The following HHAT variants were observed in gnomAD, a reference collection of about 807,000 sequenced individuals.
HHAT encodes protein-cysteine N-palmitoyltransferase HHAT.
In HHAT, 47 loss-of-function variants were observed where a neutral mutation model predicts 70.8. The observed-to-expected ratio is 0.66, with a 90% CI of 0.53 to 0.85. HHAT has a LOEUF of 0.85. Ranked by LOEUF, HHAT falls within the 40% of genes least tolerant of loss-of-function variation. The pLI is 0.00. For synonymous variants in HHAT, 228 were observed against 247.6 expected (o/e 0.92, Z 0.74); for missense variants, 609 against 604.8 (o/e 1.01, Z -0.07).
At chr1:210,382,594 T>A (rs1336108632) in intron 3 of HHAT, among the ~76,000 whole-genome samples, 8 of 152,180 alleles carry the variant, frequency 5.3e-5, no homozygotes, top group Non-Finnish European at 1.2e-4. Flanking sequence ...ATAAAAGTGA[T>A]ATAATAAATA....
At chr1:210,588,276 T>G in intron 10 of HHAT, 177 bp downstream of exon 10, 2 of 592,632 alleles carry the variant, frequency 3.4e-6, no homozygotes, top group Non-Finnish European at 6.0e-6. Context: ...AGTGCATATA[T>G]GTGTGTTTGT....
At chr1:210,517,672 G>A (rs1020313446) in intron 9 of HHAT, among the ~76,000 whole-genome samples, 8 of 152,090 alleles carry the variant, frequency 5.3e-5, no homozygotes, top group Non-Finnish European at 1.2e-4. Context: ...CTTGAAAATT[G>A]CTAAGACAGG....
rs541795412 is a variant in HHAT at position 210,336,287 on chromosome 1, A to ATTTTTTTTTTTTTTTTTTTTTTTTTT, written c.-44+7206_-44+7207insTTTTTTTTTTTTTTTTTTTTTTTTTT. On this transcript the variant is annotated intron_variant, in intron 1 of 11. Transcript: ENST00000261458. ...AGGCATGCACCACTGTGCCTGGCTA[A>ATTTTTTTTTTTTTTTTTTTTTTTTTT]TTTTTTTTTTTTTTTTTTTTTTTAG... is the stretch of plus-strand genomic sequence containing the variant. 1.1e-3 allele frequency among the ~76,000 whole-genome samples: 97 copies of ATTTTTTTTTTTTTTTTTTTTTTTTTT among 84,590 alleles called. 10 individuals carry two copies. Among genetic ancestry groups the ATTTTTTTTTTTTTTTTTTTTTTTTTT allele is most frequent in the Non-Finnish European group, 1.9e-3 (79 of 42,332 alleles). 55.5% of individuals were successfully genotyped at this position (84,590 alleles called of 152,430 possible).
In HHAT at chr1:210,362,837, T is replaced by TC. The variant is rs765312467; in HGVS notation, c.92-15_92-14insC. The TC allele has an allele frequency of 2.9e-5, 47 of 1,609,328 alleles. No homozygotes were observed. In the South Asian group the frequency reaches 5.1e-4, roughly 17 times the overall value. ...TTAGATTTGTGACTAACGAAGACTT[T>TC]TTTTTTTTGGTCAGAACACGAAGAG... On this transcript the variant is annotated splice_polypyrimidine_tract_variant and intron_variant, in intron 2 of 11. Coordinates refer to ENST00000261458, the MANE Select transcript of HHAT (RefSeq NM_018194.6).
rs558993858 is a variant in HHAT at position 210,366,868 on chromosome 1, G to GC, written c.159+3950dup. On this transcript the variant is annotated intron_variant, in intron 3 of 11. Coordinates refer to ENST00000261458, the MANE Select transcript of HHAT (RefSeq NM_018194.6). ...TTACTCAGACTTCAGATCATAGCTGGCTCCCTGTCACGAAGCATTGCCTGA... is the reference window on the plus strand; with the variant it reads ...TTACTCAGACTTCAGATCATAGCTGGCCTCCCTGTCACGAAGCATTGCCTGA... 1.6e-3 allele frequency among the ~76,000 whole-genome samples: 245 copies of GC among 152,246 alleles called. 1 individual carries two copies. The highest frequency in any genetic ancestry group is 0.011 in the South Asian group (55 of 4,820).
chr1:210,526,756 C>T (rs1039938584), intron 9 of HHAT, among the ~76,000 whole-genome samples: 1 of 152,160 alleles, frequency 6.6e-6, no homozygotes, highest in Non-Finnish European at 1.5e-5. Context: ...TATTAGAGAG[C>T]AGCTTCTGTT....
intron 9 of HHAT, among the ~76,000 whole-genome samples, chr1:210,553,487 T>C (rs2095545601): frequency 6.6e-6 from 1 of 152,098 alleles, no homozygotes. Flanking sequence ...TTCAGAAACA[T>C]GAGTGAAGTG....
intron 8 of HHAT, among the ~76,000 whole-genome samples, chr1:210,499,920 C>T (rs1323830170): frequency 6.6e-6 from 1 of 152,134 alleles, no homozygotes; most frequent in Admixed American, 6.5e-5. Context: ...GGAAAGGACA[C>T]AAATTAGAAT....
At chr1:210,410,522 A>AGTT in intron 6 of HHAT, among the ~76,000 whole-genome samples, 1 of 92,152 alleles carries the variant, frequency 1.1e-5, no homozygotes, top group Non-Finnish European at 2.3e-5. Flanking sequence ...TTTATTTGTA[A>AGTT]ATTTTTTTTT....
intron 3 of HHAT, among the ~76,000 whole-genome samples, chr1:210,367,079 C>T (rs530658249): frequency 1.3e-5 from 2 of 152,294 alleles, no homozygotes; most frequent in South Asian, 2.1e-4. Context: ...ACAGGCTGAC[C>T]GCAAACAAAT....
chr1:210,547,682 A>G (rs1401953770), intron 9 of HHAT, among the ~76,000 whole-genome samples: 1 of 152,190 alleles, frequency 6.6e-6, no homozygotes, highest in African/African-American at 2.4e-5. Context: ...AGATGATTAA[A>G]TGAGTCATGA....
intron 6 of HHAT, among the ~76,000 whole-genome samples, chr1:210,407,390 C>A (rs531072787): frequency 6.6e-6 from 1 of 152,208 alleles, no homozygotes; most frequent in Non-Finnish European, 1.5e-5. Context: ...AGGAGAATGA[C>A]GCTGCACCAC....
chr1:210,515,573 C>T (rs1042288561), intron 9 of HHAT, among the ~76,000 whole-genome samples: 2 of 150,540 alleles, frequency 1.3e-5, no homozygotes, highest in African/African-American at 2.4e-5. Context: ...CTGGCTAACA[C>T]GGTGAAACCC....
At chr1:210,528,320 A>G (rs920519997) in intron 9 of HHAT, among the ~76,000 whole-genome samples, 5 of 152,218 alleles carry the variant, frequency 3.3e-5, no homozygotes, top group African/African-American at 7.2e-5. Context: ...AGGGTGCATC[A>G]TAGGAGGAAA....
intron 2 of HHAT, among the ~76,000 whole-genome samples, chr1:210,359,346 A>G (rs905616325): frequency 3.3e-5 from 5 of 152,214 alleles, no homozygotes; most frequent in African/African-American, 1.2e-4. Flanking sequence ...ATTATGGCTT[A>G]GGAGTTATGT....
intron 11 of HHAT, among the ~76,000 whole-genome samples, chr1:210,648,336 G>A (rs1674479946): frequency 6.6e-6 from 1 of 152,212 alleles, no homozygotes; most frequent in South Asian, 2.1e-4. Flanking sequence ...GAAATTGAGT[G>A]CTGCCTCACT....
At chr1:210,480,091 G>GGT (rs1042551398) in intron 8 of HHAT, among the ~76,000 whole-genome samples, 1 of 152,030 alleles carries the variant, frequency 6.6e-6, no homozygotes, top group South Asian at 2.1e-4. Context: ...AGGCATTAAA[G>GGT]GTGTGTGTGT....
At chr1:210,625,666 A>G (rs1669701640) in intron 11 of HHAT, among the ~76,000 whole-genome samples, 1 of 152,180 alleles carries the variant, frequency 6.6e-6, no homozygotes, top group Admixed American at 6.5e-5. Flanking sequence ...GGAAATTAAC[A>G]CTGGCTGCTT....
chr1:210,485,981 G>A (rs2094467427), intron 8 of HHAT, among the ~76,000 whole-genome samples: 1 of 152,136 alleles, frequency 6.6e-6, no homozygotes, highest in South Asian at 2.1e-4. Context: ...CTAAGAGAAG[G>A]AATAAGATTA....
Sources: gnomAD v4.1 joint callset for allele counts (sites outside exome capture counted in the v4.1 genomes callset) on GRCh38, gnomAD v4.1.1 for gene constraint, MANE v1.5 for transcripts, NCBI Gene and HGNC (gene_info 2026-07-23, HGNC 2026-07-21) for gene names.